The following ZNF469 variants were observed in gnomAD, a reference collection of about 807,000 sequenced individuals.
ZNF469 encodes zinc finger protein 469.
ZNF469 carries 1 observed loss-of-function variant against 1.0 expected under a neutral mutation model. The ratio of observed to expected loss-of-function variants is 1.00; its 90% CI spans 0.35 to 4.73. The LOEUF (loss-of-function observed/expected upper bound fraction) is 4.73. Among genes scored for constraint, ZNF469 ranks in the 30% most tolerant of loss-of-function variants. ZNF469 has a pLI of 0.16. For synonymous variants in ZNF469, 2,703 were observed against 2,363.4 expected, an observed-to-expected ratio of 1.14 and a Z score of -4.17; for missense variants, 6,100 against 5,356.3, an observed-to-expected ratio of 1.14 and a Z score of -4.33.
At chr16:88,393,283 C>T (rs2142266296) in intron 1 of ZNF469, among the ~76,000 whole-genome samples, 1 of 152,388 alleles carries the variant, frequency 6.6e-6, no homozygotes, top group East Asian at 1.9e-4. Flanking sequence ...GGAGCATGCC[C>T]ACAGCAGGGT....
At chr16:88,399,292 T>C (rs941867671) in intron 1 of ZNF469, among the ~76,000 whole-genome samples, 4 of 152,192 alleles carry the variant, frequency 2.6e-5, no homozygotes, top group African/African-American at 9.6e-5. Flanking sequence ...CGCATCCCAA[T>C]GATCAAAGCA....
At chr16:88,199,311 A>G in the ZNF469 span, among the ~76,000 whole-genome samples, 1 of 152,232 alleles carries the variant, frequency 6.6e-6, no homozygotes, top group Non-Finnish European at 1.5e-5. Flanking sequence ...CTCATCAGAG[A>G]GGTGACTTTC....
the ZNF469 span, among the ~76,000 whole-genome samples, chr16:88,372,102 C>T: frequency 0.011 from 487 of 43,980 alleles, 7 homozygotes; most frequent in Middle Eastern, 0.04. Context: ...TCACCACCAT[C>T]ATCACCATCA....
rs1238954989 is a variant in ZNF469, at chr16:88,439,938, GC to G, written c.*608del. On this transcript the variant is annotated 3_prime_UTR_variant, in exon 3 of 3. Coordinates refer to ENST00000565624, the MANE Select transcript of ZNF469 (RefSeq NM_001367624.2). ...TCCCTCTGACCACAGGGTCATGCCA[GC>G]CTCCATTTGCTCTGCGGGAGAAAAG... 3.3e-5 allele frequency: 1 copy of G among 30,624 alleles called. No individual in the cohort carries two copies. Among genetic ancestry groups the G allele is most frequent in the Non-Finnish European group, 8.0e-5 (1 of 12,470 alleles). The allele number at this position is 30,624 out of a possible 1,614,324, so 1.9% of individuals were successfully genotyped here. A position where few individuals can be genotyped will look rare whatever the true frequency, so the allele number is the denominator to read the frequency against.
chr16:88,429,585 C>A lies in ZNF469; in HGVS notation c.2115C>A (p.Phe705Leu). 7.1e-6 allele frequency: 11 copies of A among 1,549,686 alleles called. No homozygotes were observed. The highest frequency in any genetic ancestry group is 8.7e-6 in the Non-Finnish European group (10 of 1,146,686). The change falls in exon 3 of 3, where the codon TTC (phenylalanine) becomes TTA (leucine). Residue 705 changes from phenylalanine to leucine, a missense_variant. By Grantham distance (22) the Phe-to-Leu change is conservative. Transcript: ENST00000565624. The part of the protein sequence containing the change: ...PEVGRGGLQG[F>L]PRAPPPYPTH... Reference sequence around the variant, plus strand: ...TGGGTCGGGGAGGGCTGCAGGGCTTCCCCCGTGCGCCGCCTCCGTACCCCA... The same window carrying A: ...TGGGTCGGGGAGGGCTGCAGGGCTTACCCCGTGCGCCGCCTCCGTACCCCA...
At chr16:88,120,437 G>A in the ZNF469 span, among the ~76,000 whole-genome samples, 35 of 152,408 alleles carry the variant, frequency 2.3e-4, no homozygotes, top group African/African-American at 6.2e-4. Context: ...AGAGGGCTGG[G>A]AAACAGCGGA....
the ZNF469 span, among the ~76,000 whole-genome samples, chr16:88,240,666 C>T: frequency 2.0e-5 from 3 of 152,186 alleles, no homozygotes; most frequent in South Asian, 6.3e-4. Flanking sequence ...AACCCCAGAG[C>T]CCTCAAAATA....
the ZNF469 span, among the ~76,000 whole-genome samples, chr16:88,373,084 C>A: frequency 1.3e-5 from 2 of 152,250 alleles, no homozygotes; most frequent in African/African-American, 4.8e-5. Context: ...ACCAGGCACT[C>A]TTTTAAGTAC....
the ZNF469 span, among the ~76,000 whole-genome samples, chr16:88,237,168 C>CG: frequency 1.8e-4 from 15 of 81,240 alleles, no homozygotes; most frequent in Non-Finnish European, 3.5e-4. Flanking sequence ...CCCTGCCCTC[C>CG]TTGCTCCTGC....
the ZNF469 span, among the ~76,000 whole-genome samples, chr16:88,279,736 C>T: frequency 6.6e-6 from 1 of 151,340 alleles, no homozygotes; most frequent in Non-Finnish European, 1.5e-5. Flanking sequence ...AGTGCTGCGC[C>T]ACACTGACAC....
chr16:88,203,488 A>G, the ZNF469 span, among the ~76,000 whole-genome samples: 1 of 145,802 alleles, frequency 6.9e-6, no homozygotes, highest in African/African-American at 2.5e-5. Flanking sequence ...ACCACAAATG[A>G]CGGTGGGGGC....
At chr16:88,163,820 G>T in the ZNF469 span, among the ~76,000 whole-genome samples, 1 of 151,392 alleles carries the variant, frequency 6.6e-6, no homozygotes, top group Non-Finnish European at 1.5e-5. Flanking sequence ...TGGGTGGCTG[G>T]ATGCAGGGAT....
rs540726153 is a variant in ZNF469, at chr16:88,432,487, C to T, written c.5017C>T (p.Pro1673Ser). ...SFHPGHAALL[P>S]CAQEDLVSGA... ...CCATCCGGGACATGCAGCCCTTCTCCCCTGTGCCCAGGAAGACCTGGTTTC... is the reference window on the plus strand; with the variant it reads ...CCATCCGGGACATGCAGCCCTTCTCTCCTGTGCCCAGGAAGACCTGGTTTC... The change falls in exon 3 of 3, where the codon CCC (proline) becomes TCC (serine). Residue 1673 changes from proline (P) to serine (S), a missense_variant. Physicochemically the swap from Pro to Ser is moderately conservative, Grantham distance 74 (BLOSUM62 -1). Transcript: ENST00000565624. The T allele has an allele frequency of 3.2e-6, 5 of 1,550,408 alleles. No individual in the cohort carries two copies. In the East Asian group the frequency reaches 1.2e-4, roughly 38 times the overall value.
the ZNF469 span, among the ~76,000 whole-genome samples, chr16:88,365,999 A>G: frequency 2.0e-5 from 3 of 152,192 alleles, no homozygotes; most frequent in Non-Finnish European, 2.9e-5. Flanking sequence ...ACAGTCTACT[A>G]TGTGTTACAA....
At chr16:88,223,760 T>G in the ZNF469 span, among the ~76,000 whole-genome samples, 2 of 152,266 alleles carry the variant, frequency 1.3e-5, no homozygotes, top group Non-Finnish European at 2.9e-5. Flanking sequence ...CAGCCCGCTG[T>G]GTCCTTCCAC....
At chr16:88,223,603 G>A in the ZNF469 span, among the ~76,000 whole-genome samples, 5 of 152,204 alleles carry the variant, frequency 3.3e-5, no homozygotes, top group South Asian at 2.1e-4. Flanking sequence ...GGAAGGATGC[G>A]TGCTTGGGAA....
chr16:88,147,716 A>G, the ZNF469 span, among the ~76,000 whole-genome samples: 1 of 152,094 alleles, frequency 6.6e-6, no homozygotes, highest in Non-Finnish European at 1.5e-5. Context: ...GCATTCCAAC[A>G]TACCCCTTAG....
the ZNF469 span, among the ~76,000 whole-genome samples, chr16:88,190,806 G>A: frequency 2.0e-5 from 3 of 152,202 alleles, no homozygotes; most frequent in Admixed American, 1.3e-4. Context: ...TGACTTCTAT[G>A]GAGTATCAGT....
chr16:88,402,079 GTAGA>G (rs1166590813), intron 1 of ZNF469, among the ~76,000 whole-genome samples: 3 of 145,698 alleles, frequency 2.1e-5, no homozygotes, highest in South Asian at 2.2e-4. Flanking sequence ...TGGATAGATG[GTAGA>G]TGGATGGGTG....
Sources: allele counts gnomAD v4.1 joint callset (sites outside exome capture counted in the v4.1 genomes callset), GRCh38; gene constraint gnomAD v4.1.1; transcripts MANE v1.5; gene names NCBI Gene and HGNC (gene_info 2026-07-23, HGNC 2026-07-21).